The following RHCG variants were observed in gnomAD, a reference collection of about 807,000 sequenced individuals.
The protein encoded by RHCG is ammonium transporter Rh type C.
Under a neutral mutation model 55.3 loss-of-function variants are expected in RHCG, and 39 were observed. That is an observed-to-expected ratio of 0.70 (90% confidence interval 0.55 to 0.92). The LOEUF is 0.92. RHCG is among the 40% of genes least tolerant of loss of function. RHCG has a pLI of 0.00. For synonymous variants in RHCG, 250 were observed against 246.8 expected, an observed-to-expected ratio of 1.01 and a Z score of -0.12; for missense variants, 635 against 627.9, an observed-to-expected ratio of 1.01 and a Z score of -0.12.
chr15:89,480,207 T>A, intron 4 of RHCG, 54 bp downstream of exon 4: 1 of 1,610,284 alleles, frequency 6.2e-7, no homozygotes, highest in Non-Finnish European at 8.5e-7. Context: ...CCTTCACCCA[T>A]CATGGCCACC....
chr15:89,496,261 G>A, intron 1 of RHCG, 100 bp downstream of exon 1: 1 of 1,257,076 alleles, frequency 8.0e-7, no homozygotes, highest in African/African-American at 1.5e-5. Flanking sequence ...CGCGGCTGCA[G>A]GGTAGATCCC....
chr15:89,485,020 C>T (rs1029476560), intron 2 of RHCG, among the ~76,000 whole-genome samples: 2 of 152,126 alleles, frequency 1.3e-5, no homozygotes, highest in South Asian at 4.2e-4. Flanking sequence ...GGTCTGGGGA[C>T]AATATGCTCA....
intron 2 of RHCG, 190 bp downstream of exon 2, chr15:89,486,597 AGAGTGTGTGTGT>A (rs1410934934): frequency 3.7e-5 from 12 of 327,178 alleles, no homozygotes; most frequent in Middle Eastern, 6.9e-4. Context: ...AGAGAGAGAG[AGAGTGTGTGTGT>A]GTGTGTGTGT....
In RHCG at chr15:89,489,009, A is replaced by G. The variant is rs1961425062; in HGVS notation, c.185-2024T>C. 5.9e-5 allele frequency among the ~76,000 whole-genome samples: 9 copies of G among 152,326 alleles called. No individual in the cohort carries two copies. The South Asian group carries it at 1.9e-3, about 32-fold the overall frequency. The stretch of plus-strand genomic sequence containing the variant: ...GTGACTGACCCTCACATGGTTCAGA[A>G]AAACAAAGCACACATGTGTATGTGT... On this transcript the variant is annotated intron_variant, in intron 1 of 10. Coordinates refer to ENST00000268122, the MANE Select transcript of RHCG (RefSeq NM_016321.3).
In RHCG at chr15:89,472,781, A is replaced by G. The variant is rs756458932; in HGVS notation, c.1394T>C (p.Met465Thr). 1.3e-6 allele frequency: 2 copies of G among 1,577,998 alleles called. No individual in the cohort carries two copies. Among genetic ancestry groups the G allele is most frequent in the Admixed American group, 1.8e-5 (1 of 54,972 alleles). The change falls in exon 10 of 11, where the codon ATG becomes ACG. Residue 465 changes from methionine (M) to threonine (T), a missense_variant. Transcript: ENST00000268122. ...PSGPSVPSVP[M>T]VSPLPMASSV... ...GGAAGCCATGGGTAGTGGGGACACC[A>G]TGGGTACTGAGGGTACTGAGGGTCC... is the stretch of plus-strand genomic sequence containing the variant.
At chr15:89,488,465 T>C (rs1015577232) in intron 1 of RHCG, among the ~76,000 whole-genome samples, 1 of 152,178 alleles carries the variant, frequency 6.6e-6, no homozygotes, top group African/African-American at 2.4e-5. Context: ...ACAGTAATTA[T>C]ACTGGGCAAC....
intron 9 of RHCG, among the ~76,000 whole-genome samples, chr15:89,474,991 T>TGCCTTCCTTCCTTCCTGCCC (rs1287918708): frequency 2.3e-4 from 31 of 132,202 alleles, no homozygotes; most frequent in African/African-American, 7.7e-4. Context: ...CCTGCCTGCC[T>TGCCTTCCTTCCTTCCTGCCC]GCCTTCCTTC....
chr15:89,471,960 C>G (rs1364513534), intron 10 of RHCG, 105 bp from the exon 11 acceptor site: 1 of 152,292 alleles, frequency 6.6e-6, no homozygotes, highest in Non-Finnish European at 1.5e-5. Flanking sequence ...GGCAACTGGG[C>G]ATAGCCTCAC....
At position 89,477,248 on chromosome 15, in the gene RHCG, G is replaced by A. The variant is rs959923803; in HGVS notation, c.1113-42C>T. The A allele has an allele frequency of 6.2e-7, 1 of 1,607,578 alleles. No homozygotes were observed. Among genetic ancestry groups the A allele is most frequent in the Admixed American group, 1.7e-5 (1 of 59,318 alleles). On this transcript the variant is annotated intron_variant, in intron 7 of 10. Coordinates refer to ENST00000268122, the MANE Select transcript of RHCG (RefSeq NM_016321.3). This position sits in a 1 kb window ranked among gnomAD's most constrained non-coding sequence, Gnocchi z 4.5. ...GGGCAGGTCAGGGCCCCATGGAGAG[G>A]CCAAGTAACAGCTTGCTGCCACCCC...
rs1218775015 is a variant in RHCG at position 89,472,867 on chromosome 15, C to A, written c.1312-4G>T. The A allele has an allele frequency of 2.1e-6, 3 of 1,444,230 alleles. No homozygotes were observed. In the African/African-American group the frequency reaches 4.4e-5, roughly 21 times the overall value. The allele number at this position is 1,444,230 out of a possible 1,614,324, so 89.5% of individuals were successfully genotyped here. On this transcript the variant is annotated splice_polypyrimidine_tract_variant and splice_region_variant and intron_variant, in intron 9 of 10. Transcript: ENST00000268122. ...CAGTGCTGTTCCCTTCAGGCATCTA[C>A]AGAGAGAGGATGCAACTCTGAGGGC...
chr15:89,479,117 C>CA (rs1252290178), intron 5 of RHCG, among the ~76,000 whole-genome samples: 8 of 149,656 alleles, frequency 5.3e-5, no homozygotes, highest in Admixed American at 5.3e-4. Flanking sequence ...CAAAACAAAA[C>CA]AAAACAAAAA....
chr15:89,482,694 T>C (rs972423166), intron 3 of RHCG, among the ~76,000 whole-genome samples: 5 of 152,232 alleles, frequency 3.3e-5, no homozygotes, highest in Middle Eastern at 3.2e-3. Flanking sequence ...GATCCTGTCC[T>C]ACAGATTTGC....
At chr15:89,474,343 G>A (rs1010325817) in intron 9 of RHCG, among the ~76,000 whole-genome samples, 1 of 152,212 alleles carries the variant, frequency 6.6e-6, no homozygotes, top group Admixed American at 6.5e-5. Flanking sequence ...TTACCTTATA[G>A]TAGATAGTAG....
chr15:89,489,433 C>T (rs1002493270), intron 1 of RHCG, among the ~76,000 whole-genome samples: 1 of 152,144 alleles, frequency 6.6e-6, no homozygotes, highest in African/African-American at 2.4e-5. Context: ...CAGAGTGTAG[C>T]TTTCTTTGTG....
In RHCG at chr15:89,477,450, T is replaced by C. The variant is rs920818539; in HGVS notation, c.1112+67A>G. 8 of 1,589,734 alleles carry C rather than the reference T, an allele frequency of 5.0e-6. No individual in the cohort carries two copies. In the African/African-American group the frequency reaches 1.1e-4, roughly 21 times the overall value. ...AAGATGCAGTCGGGTCCCAGAGGAATAGCAGGAAGAAGGGATGGGAGAAGG... is the reference window on the plus strand; with the variant it reads ...AAGATGCAGTCGGGTCCCAGAGGAACAGCAGGAAGAAGGGATGGGAGAAGG... On this transcript the variant is annotated intron_variant, in intron 7 of 10. Coordinates refer to ENST00000268122, the MANE Select transcript of RHCG (RefSeq NM_016321.3). This position sits in a 1 kb window ranked among gnomAD's most constrained non-coding sequence, Gnocchi z 4.5.
At chr15:89,474,747 T>C (rs1242345474) in intron 9 of RHCG, among the ~76,000 whole-genome samples, 2 of 148,918 alleles carry the variant, frequency 1.3e-5, no homozygotes, top group East Asian at 1.9e-4. Context: ...CCTTCCTTCC[T>C]GCCTGCCTTC....
intron 5 of RHCG, 110 bp downstream of exon 5, chr15:89,479,212 A>C: frequency 8.7e-7 from 1 of 1,146,728 alleles, no homozygotes; most frequent in East Asian, 2.6e-5. Context: ...CCCCAACCTC[A>C]TCTGCAAGAT....
At position 89,472,670 on chromosome 15, in the gene RHCG, G is replaced by T. The variant is rs1405230836; in HGVS notation, c.*24+41C>A. ...ATTCTGAGAGCTGGGCCCCCACTGG[G>T]AGAACCTCCCTGTCATCCCCCAAGC... On this transcript the variant is annotated intron_variant, in intron 10 of 10. Transcript: ENST00000268122. The T allele has an allele frequency of 3.2e-6, 5 of 1,570,792 alleles. No individual in the cohort carries two copies. In the South Asian group the frequency reaches 5.8e-5, roughly 18 times the overall value.
At chr15:89,480,188 T>C (rs1440974282) in intron 4 of RHCG, 73 bp downstream of exon 4, 2 of 1,592,092 alleles carry the variant, frequency 1.3e-6, no homozygotes, top group Non-Finnish European at 8.6e-7. Flanking sequence ...CCTTCACCCA[T>C]CATGGCTGCC....
Sources: gnomAD v4.1 joint callset for allele counts (sites outside exome capture counted in the v4.1 genomes callset) on GRCh38, gnomAD v4.1.1 for gene constraint, Gnocchi (gnomAD v3.1) non-coding constraint, MANE v1.5 for transcripts, NCBI Gene and HGNC (gene_info 2026-07-23, HGNC 2026-07-21) for gene names.